The following HEATR4 variants were observed in gnomAD, a reference collection of about 807,000 sequenced individuals.
HEATR4 encodes the protein HEAT repeat containing 4, also known as HEAT repeat-containing protein 4.
HEATR4 carries 95 observed loss-of-function variants against 108.8 expected under a neutral mutation model. The ratio of observed to expected loss-of-function variants is 0.87; its 90% confidence interval spans 0.74 to 1.04. The LOEUF (loss-of-function observed/expected upper bound fraction) is 1.04. Ranked by LOEUF, HEATR4 falls within the 50% of genes least tolerant of loss-of-function variation. The pLI is 0.00. For synonymous variants in HEATR4, 443 were observed against 459.4 expected (o/e 0.96, Z 0.46); for missense variants, 1,152 against 1,253.8 (o/e 0.92, Z 1.23).
At chr14:73,490,852 T>C in intron 17 of HEATR4, 1 of 665,142 alleles carries the variant, frequency 1.5e-6, no homozygotes, top group Non-Finnish European at 2.1e-6. Flanking sequence ...AAACATTTAA[T>C]GAAAGAGAGC....
chr14:73,540,701 G>A (rs547938290), intron 1 of HEATR4, among the ~76,000 whole-genome samples: 17 of 122,900 alleles, frequency 1.4e-4, no homozygotes, highest in African/African-American at 4.8e-4. Flanking sequence ...TATCAGCACT[G>A]AACTATGTCT....
chr14:73,619,356 A>G, the HEATR4 span: 13 of 1,614,214 alleles, frequency 8.1e-6, no homozygotes, highest in African/African-American at 1.3e-4. Context: ...TAGCCAACAC[A>G]GTAGCTCCTC....
the HEATR4 span, chr14:73,619,123 C>G: frequency 7.3e-7 from 1 of 1,366,950 alleles, no homozygotes; most frequent in South Asian, 1.5e-5. Flanking sequence ...GAGCGAGACT[C>G]CATCTCAAAA....
the HEATR4 span, among the ~76,000 whole-genome samples, chr14:73,588,866 G>GTC: frequency 6.6e-6 from 1 of 151,852 alleles, no homozygotes; most frequent in Non-Finnish European, 1.5e-5. Context: ...CAGATTAAAA[G>GTC]TCTGATGCTC....
chr14:73,571,193 A>T, the HEATR4 span: 5 of 152,212 alleles, frequency 3.3e-5, no homozygotes, highest in Non-Finnish European at 7.3e-5. Context: ...TTACCATTCC[A>T]GGAGAGCAGC....
chr14:73,592,169 C>G, the HEATR4 span: 8 of 1,603,456 alleles, frequency 5.0e-6, no homozygotes, highest in East Asian at 1.8e-4. Context: ...CGCTGGGCGG[C>G]AGCTTCGCGG....
At chr14:73,547,685 G>C (rs1889255661) in intron 1 of HEATR4, among the ~76,000 whole-genome samples, 1 of 114,972 alleles carries the variant, frequency 8.7e-6, no homozygotes, top group Non-Finnish European at 1.9e-5. Context: ...AGGAGTTCGA[G>C]AGCAGCCTAG....
At position 73,555,930 on chromosome 14, in the gene HEATR4, G is replaced by C. The variant is rs181113667; in HGVS notation, c.-152+2821C>G. Among the ~76,000 whole-genome samples, 300 of 110,038 alleles carry C rather than the reference G, an allele frequency of 2.7e-3. 91 individuals are homozygous for C. The highest frequency in any genetic ancestry group is 0.01 in the Middle Eastern group (2 of 192). 72.2% of individuals were successfully genotyped at this position (110,038 alleles called of 152,430 possible). ...TGAGGCAGGAGAGTTGCTTGAACCTGACAAGCAGAGGTTGCAGCGAGCCGA... is the reference window on the plus strand; with the variant it reads ...TGAGGCAGGAGAGTTGCTTGAACCTCACAAGCAGAGGTTGCAGCGAGCCGA... On this transcript the variant is annotated intron_variant, in intron 1 of 17. Transcript: ENST00000553558.
the HEATR4 span, chr14:73,569,860 G>C: frequency 6.2e-7 from 1 of 1,605,130 alleles, no homozygotes; most frequent in Non-Finnish European, 8.5e-7. Context: ...GGCCGGGTGC[G>C]AGGCACGCTC....
chr14:73,613,143 C>G, the HEATR4 span: 1 of 487,320 alleles, frequency 2.1e-6, no homozygotes, highest in African/African-American at 2.0e-5. Flanking sequence ...GCTCCAGAGT[C>G]TGTCATGGAT....
At chr14:73,625,167 T>G in the HEATR4 span, among the ~76,000 whole-genome samples, 1 of 152,006 alleles carries the variant, frequency 6.6e-6, no homozygotes, top group South Asian at 2.1e-4. Context: ...CAAGCGATTC[T>G]CCTGCCTCAG....
chr14:73,537,910 C>G (rs1483307446), intron 1 of HEATR4: 1 of 1,161,212 alleles, frequency 8.6e-7, no homozygotes, highest in Non-Finnish European at 1.1e-6. Flanking sequence ...TTCCCCTCTG[C>G]CCATCCCTGT....
chr14:73,592,365 C>T, the HEATR4 span: 4 of 1,581,772 alleles, frequency 2.5e-6, no homozygotes, highest in South Asian at 3.4e-5. Flanking sequence ...AGGGGTGCGG[C>T]GCCAGTCGGT....
At chr14:73,626,563 C>T in the HEATR4 span, among the ~76,000 whole-genome samples, 2 of 152,170 alleles carry the variant, frequency 1.3e-5, no homozygotes, top group Middle Eastern at 6.8e-3. Context: ...TGTGATGGTT[C>T]ATGCCTGTAG....
chr14:73,608,172 C>G, the HEATR4 span, among the ~76,000 whole-genome samples: 1 of 152,174 alleles, frequency 6.6e-6, no homozygotes, highest in East Asian at 1.9e-4. Context: ...ACCCACCTGC[C>G]TTGGCCTCCC....
In HEATR4 at chr14:73,509,460, C is replaced by T; in HGVS notation, c.1572G>A (p.Gln524=). 1 of 1,613,958 alleles carries T rather than the reference C, an allele frequency of 6.2e-7. No individual in the cohort carries two copies. Among genetic ancestry groups the T allele is most frequent in the South Asian group, 1.1e-5 (1 of 91,074 alleles). ...CAGGCAGTAGAACCTCCGGCAAGTC[C>T]TGGATGGTCTTGTCTGTGATCAAAA... is the stretch of plus-strand genomic sequence containing the variant. The part of the protein sequence containing the change: ...TSQRDSDKTI[Q]DLPEVLLPAL... Residue 524 remains glutamine, a synonymous_variant, in exon 8 of 18, where the codon CAG becomes CAA. Transcript: ENST00000553558.
the HEATR4 span, among the ~76,000 whole-genome samples, chr14:73,579,424 CATT>C: frequency 6.2e-5 from 9 of 146,132 alleles, no homozygotes; most frequent in Admixed American, 2.7e-4. Flanking sequence ...AAAATACAAA[CATT>C]AGCCGAGCGT....
chr14:73,508,524 G>A (rs999658085), intron 8 of HEATR4, among the ~76,000 whole-genome samples: 3 of 152,170 alleles, frequency 2.0e-5, no homozygotes, highest in Non-Finnish European at 2.9e-5. Flanking sequence ...CAAGGTGGGC[G>A]GATCACCTAA....
the HEATR4 span, among the ~76,000 whole-genome samples, chr14:73,630,800 T>C: frequency 1.3e-5 from 2 of 152,208 alleles, no homozygotes; most frequent in African/African-American, 4.8e-5. Flanking sequence ...AAAGGGATTC[T>C]AGTTTTTATG....
Sources: allele counts gnomAD v4.1 joint callset (sites outside exome capture counted in the v4.1 genomes callset), GRCh38; gene constraint gnomAD v4.1.1; transcripts MANE v1.5; gene names NCBI Gene and HGNC (gene_info 2026-07-23, HGNC 2026-07-21).